Variants in CHST12 observed in about 807,000 individuals in gnomAD.
The protein encoded by CHST12 is carbohydrate (chondroitin 4) sulfotransferase 12.
In CHST12, 23 loss-of-function variants were observed where a neutral mutation model predicts 27.9. That is an observed-to-expected ratio of 0.82 (90% CI 0.59 to 1.17). The LOEUF is 1.17. Ranked by LOEUF, CHST12 falls within the 50% of genes most tolerant of loss-of-function variation. CHST12 has a pLI of 0.00. For missense variants in CHST12, 682 were observed against 603.0 expected (o/e 1.13, Z -1.37); for synonymous variants, 322 against 273.0 (o/e 1.18, Z -1.77).
chr7:2,414,817 T>G (rs757864429), intron 1 of CHST12, among the ~76,000 whole-genome samples: 2 of 152,190 alleles, frequency 1.3e-5, no homozygotes, highest in Non-Finnish European at 2.9e-5. Context: ...AGGGTTGAGG[T>G]TCATTCTTTT....
intron 1 of CHST12, among the ~76,000 whole-genome samples, chr7:2,421,772 A>G (rs1781982870): frequency 6.6e-6 from 1 of 151,806 alleles, no homozygotes; most frequent in Non-Finnish European, 1.5e-5. Context: ...GGGTCTTGCT[A>G]TGTTGCCCAG....
At position 2,441,692 on chromosome 7, in the gene CHST12, TAAAAAAAAA is replaced by T. The variant is rs892984476; in HGVS notation, c.*7821_*7829del. On this transcript the variant is annotated 3_prime_UTR_variant, in exon 2 of 2. Coordinates refer to ENST00000618655, the MANE Select transcript of CHST12 (RefSeq NM_018641.5). ...TGGGTGACAGAGCAAGATCTTGTCT[TAAAAAAAAA>T]AAAAAAAAAAAAGGTGTTGTATTTT... 1.9e-5 allele frequency: 2 copies of T among 106,032 alleles called. No homozygotes were observed. The highest frequency in any genetic ancestry group is 1.0e-4 in the Admixed American group (1 of 9,692). 6.6% of individuals were successfully genotyped at this position (106,032 alleles called of 1,614,324 possible). A position where few individuals can be genotyped will look rare whatever the true frequency, so the allele number is the denominator to read the frequency against.
At chr7:2,406,455 ACGGGG>A in intron 1 of CHST12, among the ~76,000 whole-genome samples, 1 of 2,348 alleles carries the variant, frequency 4.3e-4, no homozygotes, top group Non-Finnish European at 8.5e-4. Flanking sequence ...ACAGTTGAGT[ACGGGG>A]TGGGGGCACA....
intron 1 of CHST12, among the ~76,000 whole-genome samples, chr7:2,428,869 C>G (rs1234885952): frequency 6.6e-6 from 1 of 152,126 alleles, no homozygotes; most frequent in Non-Finnish European, 1.5e-5. Context: ...GCCAGTTAGA[C>G]CAGAAATTCT....
In CHST12 at chr7:2,442,748, G is replaced by A. The variant is rs909803117; in HGVS notation, c.*8864G>A. On this transcript the variant is annotated 3_prime_UTR_variant, in exon 2 of 2. Transcript: ENST00000618655. ...CTGGCCTGCGGCCCCTTAGGAACTG[G>A]ACTGCACAGCAGGAGGTGAGCGGCA... 1 of 152,472 alleles carries A rather than the reference G, an allele frequency of 6.6e-6. No homozygotes were observed. Among genetic ancestry groups the A allele is most frequent in the Admixed American group, 6.5e-5 (1 of 15,286 alleles). The allele number at this position is 152,472 out of a possible 1,614,324, so 9.4% of individuals were successfully genotyped here.
At chr7:2,419,968 C>CTTTTTTTTTT (rs869252983) in intron 1 of CHST12, among the ~76,000 whole-genome samples, 5 of 81,406 alleles carry the variant, frequency 6.1e-5, no homozygotes, top group Non-Finnish European at 8.7e-5. Flanking sequence ...AAATATTTGT[C>CTTTTTTTTTT]TTTTTTTTTT....
intron 1 of CHST12, among the ~76,000 whole-genome samples, chr7:2,404,966 CTG>C (rs1317888102): frequency 6.6e-6 from 1 of 152,156 alleles, no homozygotes; most frequent in African/African-American, 2.4e-5. Context: ...GGAGTTGAGA[CTG>C]TGGTGCAGGC....
Position 2,440,228 on chromosome 7 carries a change from G to T in CHST12, c.*6344G>T, listed in dbSNP as rs146244710. ...GGTCCCGTCACACTTGTCTGATGAG[G>T]ATCTGTTGGTTGACTTTGACAGTGA... is the stretch of plus-strand genomic sequence containing the variant. On this transcript the variant is annotated 3_prime_UTR_variant, in exon 2 of 2. Transcript: ENST00000618655. The T allele has an allele frequency of 6.5e-6, 1 of 154,248 alleles. No individual in the cohort carries two copies. Among genetic ancestry groups the T allele is most frequent in the Non-Finnish European group, 1.5e-5 (1 of 68,102 alleles). 9.6% of individuals were successfully genotyped at this position (154,248 alleles called of 1,614,324 possible).
rs765125296 is a variant in CHST12 at position 2,433,485 on chromosome 7, C to T, written c.846C>T (p.Thr282=). The T allele has an allele frequency of 1.2e-6, 2 of 1,611,482 alleles. No individual in the cohort carries two copies. Among genetic ancestry groups the T allele is most frequent in the African/African-American group, 1.3e-5 (1 of 74,936 alleles). The change falls in exon 2 of 2, where the codon ACC becomes ACT. Residue 282 remains threonine, a synonymous_variant. Transcript: ENST00000618655. This position sits in a 1 kb window ranked among gnomAD's most constrained non-coding sequence, Gnocchi z 6.1. ...TGCTGCGGCTGTACGCCAACCACAC[C>T]AGCCTGCCCGCCTCGGCGCGCGAGG... ...VPMLRLYANH[T]SLPASAREAF...
intron 1 of CHST12, among the ~76,000 whole-genome samples, chr7:2,417,556 A>G (rs139279712): frequency 0.013 from 1,971 of 151,670 alleles, 40 homozygotes; most frequent in African/African-American, 0.044. Flanking sequence ...GGCCTGACTA[A>G]TTTTTGTATT....
chr7:2,409,625 GAAAAA>G (rs60865098), intron 1 of CHST12, among the ~76,000 whole-genome samples: 11 of 146,004 alleles, frequency 7.5e-5, no homozygotes, highest in African/African-American at 2.8e-4. Flanking sequence ...CTGTCTCAAA[GAAAAA>G]AAAAAAAAAA....
Position 2,435,306 on chromosome 7 carries a change from G to C in CHST12, c.*1422G>C, listed in dbSNP as rs1036729549. On this transcript the variant is annotated 3_prime_UTR_variant, in exon 2 of 2. Transcript: ENST00000618655. ...GTTTACAGTTGGCAGGAGTGGAGTG[G>C]TTTGGCGTTTATCTCTAGACCGTGC... is the stretch of plus-strand genomic sequence containing the variant. The C allele has an allele frequency of 6.6e-6, 1 of 152,226 alleles. No individual in the cohort carries two copies. Among genetic ancestry groups the C allele is most frequent in the Non-Finnish European group, 1.5e-5 (1 of 68,080 alleles). 9.4% of individuals were successfully genotyped at this position (152,226 alleles called of 1,614,324 possible).
chr7:2,413,679 A>T (rs867060289), intron 1 of CHST12, among the ~76,000 whole-genome samples: 1 of 146,172 alleles, frequency 6.8e-6, no homozygotes, highest in Non-Finnish European at 1.5e-5. Context: ...CACCCTTTTT[A>T]CACTCACTTG....
chr7:2,422,888 T>C (rs13222526), intron 1 of CHST12, among the ~76,000 whole-genome samples: 1 of 151,128 alleles, frequency 6.6e-6, no homozygotes, highest in Admixed American at 6.6e-5. Context: ...TTTTTTAGTG[T>C]GGTTTCATTC....
chr7:2,411,090 T>A (rs1438970907), intron 1 of CHST12, among the ~76,000 whole-genome samples: 1 of 152,054 alleles, frequency 6.6e-6, no homozygotes, highest in East Asian at 1.9e-4. Flanking sequence ...ATTTTTAAAT[T>A]TTGAGATGAG....
At chr7:2,416,004 T>C (rs1781798286) in intron 1 of CHST12, among the ~76,000 whole-genome samples, 1 of 152,246 alleles carries the variant, frequency 6.6e-6, no homozygotes, top group South Asian at 2.1e-4. Context: ...TGCTGTTTGA[T>C]AACATTTTAC....
In CHST12 at chr7:2,440,162, G is replaced by A. The variant is rs1782566357; in HGVS notation, c.*6278G>A. Reference sequence around the variant, plus strand: ...AGGCATGCCTGAAATGACTCCCATGGCTGTCATGGTGCCATCTGGAGAGCA... The same window carrying A: ...AGGCATGCCTGAAATGACTCCCATGACTGTCATGGTGCCATCTGGAGAGCA... On this transcript the variant is annotated 3_prime_UTR_variant, in exon 2 of 2. Coordinates refer to ENST00000618655, the MANE Select transcript of CHST12 (RefSeq NM_018641.5). The A allele has an allele frequency of 1.3e-5, 2 of 154,034 alleles. No individual in the cohort carries two copies. The allele number at this position is 154,034 out of a possible 1,614,324, so 9.5% of individuals were successfully genotyped here.
chr7:2,406,516 G>A (rs1386898925), intron 1 of CHST12, among the ~76,000 whole-genome samples: 1 of 130,982 alleles, frequency 7.6e-6, no homozygotes, highest in Non-Finnish European at 1.6e-5. Context: ...GTGGGGGCGC[G>A]GTTGAGTATG....
In CHST12 at chr7:2,424,848, T is replaced by G. The variant is rs112248292; in HGVS notation, c.-77-7715T>G. Reference sequence around the variant, plus strand: ...CAAGATGCTGTGGGAAAAGAGACACTGAGAGCCTGCTAGAGCCTGTTGTAA... The same window carrying G: ...CAAGATGCTGTGGGAAAAGAGACACGGAGAGCCTGCTAGAGCCTGTTGTAA... On this transcript the variant is annotated intron_variant, in intron 1 of 1. Transcript: ENST00000618655. Among the ~76,000 whole-genome samples the G allele has an allele frequency of 4.0e-3, 613 of 152,116 alleles. 1 individual carries two copies. The highest frequency in any genetic ancestry group is 0.014 in the African/African-American group (572 of 41,508).
Sources: allele counts gnomAD v4.1 joint callset (sites outside exome capture counted in the v4.1 genomes callset), GRCh38; gene constraint gnomAD v4.1.1; non-coding constraint Gnocchi (gnomAD v3.1); transcripts MANE v1.5; gene names NCBI Gene and HGNC (gene_info 2026-07-23, HGNC 2026-07-21).